DOCK10: variants seen among roughly 807,000 people sequenced by gnomAD.
The protein encoded by DOCK10 is dedicator of cytokinesis protein 10.
Under a neutral mutation model 280.1 loss-of-function variants are expected in DOCK10, and 145 were observed. The ratio of observed to expected loss-of-function variants is 0.52; its 90% confidence interval spans 0.45 to 0.59. The LOEUF (loss-of-function observed/expected upper bound fraction) is 0.59, where lower values mean the gene tolerates loss of function less well. DOCK10 is among the 20% of genes least tolerant of loss of function. DOCK10 has a pLI of 0.00. For missense variants in DOCK10, 2,368 were observed against 2,651.7 expected (o/e 0.89, Z 2.35); for synonymous variants, 915 against 942.2 (o/e 0.97, Z 0.53).
intron 1 of DOCK10, among the ~76,000 whole-genome samples, chr2:224,990,439 A>G: frequency 6.6e-6 from 1 of 152,242 alleles, no homozygotes; most frequent in East Asian, 1.9e-4. Context: ...ATGAATGAAT[A>G]TTAATGAGCA....
chr2:224,924,351 T>A (rs34566945), intron 2 of DOCK10, among the ~76,000 whole-genome samples: 85,340 of 152,006 alleles, frequency 0.56, 24,906 homozygotes, highest in Non-Finnish European at 0.64. Flanking sequence ...ACTAGCATTC[T>A]CTTCTCATTT....
At chr2:224,826,927 C>A (rs1694905307) in intron 27 of DOCK10, among the ~76,000 whole-genome samples, 1 of 151,524 alleles carries the variant, frequency 6.6e-6, no homozygotes, top group Non-Finnish European at 1.5e-5. Flanking sequence ...TGTGCCACTG[C>A]ACTCCAGCCT....
chr2:224,878,930 G>A lies in DOCK10; in HGVS notation c.748-2709C>T, dbSNP rs563004908. 1.3e-4 allele frequency among the ~76,000 whole-genome samples: 20 copies of A among 152,346 alleles called. No individual in the cohort carries two copies. In the South Asian group the frequency reaches 4.1e-3, roughly 32 times the overall value. ...GATATCTGTTGTGTTCATACTTTGT[G>A]TTGGACAAAAACATAGCCAGTCCCT... On this transcript the variant is annotated intron_variant, in intron 7 of 55. Coordinates refer to ENST00000258390, the MANE Select transcript of DOCK10 (RefSeq NM_014689.3).
intron 2 of DOCK10, among the ~76,000 whole-genome samples, chr2:224,921,663 A>G (rs1460719382): frequency 6.6e-6 from 1 of 152,358 alleles, no homozygotes. Flanking sequence ...ACATTATTTT[A>G]CAATATGTGC....
chr2:224,882,985 T>G (rs892675811), intron 7 of DOCK10, among the ~76,000 whole-genome samples: 3 of 152,136 alleles, frequency 2.0e-5, no homozygotes, highest in Non-Finnish European at 4.4e-5. Flanking sequence ...AAGAAACTGG[T>G]CCCTGCCTCT....
chr2:224,832,966 C>G (rs978685959), intron 26 of DOCK10, among the ~76,000 whole-genome samples: 1 of 152,162 alleles, frequency 6.6e-6, no homozygotes, highest in Non-Finnish European at 1.5e-5. Context: ...ACCCACCCAC[C>G]CCACCTTCCA....
chr2:224,796,875 G>A (rs1044561577), intron 43 of DOCK10, 89 bp downstream of exon 43: 13 of 1,232,070 alleles, frequency 1.1e-5, no homozygotes, highest in Middle Eastern at 4.0e-4. Flanking sequence ...AGTTAGTGAC[G>A]GCTTGCCCTG....
intron 2 of DOCK10, among the ~76,000 whole-genome samples, chr2:224,928,951 C>T (rs1225509413): frequency 6.6e-6 from 1 of 152,228 alleles, no homozygotes; most frequent in African/African-American, 2.4e-5. Flanking sequence ...TCCAGCCATA[C>T]CAATCTCCAA....
intron 1 of DOCK10, among the ~76,000 whole-genome samples, chr2:225,008,175 T>C (rs571232739): frequency 3.3e-5 from 5 of 152,334 alleles, no homozygotes; most frequent in Admixed American, 3.3e-4. Flanking sequence ...AAACTTTTTA[T>C]TTCTTTAGAG....
chr2:224,915,667 A>T (rs1248628342), intron 3 of DOCK10, among the ~76,000 whole-genome samples: 2 of 152,236 alleles, frequency 1.3e-5, no homozygotes, highest in African/African-American at 2.4e-5. Context: ...CCACTTTCTC[A>T]GGATTCAAGA....
At chr2:225,035,358 C>T (rs1054254454) in intron 1 of DOCK10, among the ~76,000 whole-genome samples, 12 of 151,388 alleles carry the variant, frequency 7.9e-5, no homozygotes, top group Admixed American at 2.6e-4. Flanking sequence ...CCATTCTTAC[C>T]GCATTCAAGC....
At chr2:224,961,389 A>T in intron 1 of DOCK10, among the ~76,000 whole-genome samples, 1 of 120,190 alleles carries the variant, frequency 8.3e-6, no homozygotes, top group Non-Finnish European at 1.8e-5. Context: ...ATTTTTGCAT[A>T]GCAGCATTTT....
At chr2:224,847,918 T>A (rs1028566323) in intron 19 of DOCK10, among the ~76,000 whole-genome samples, 2 of 152,098 alleles carry the variant, frequency 1.3e-5, no homozygotes, top group African/African-American at 4.8e-5. Flanking sequence ...TTAGCAGATG[T>A]GATTAAGTTA....
At chr2:225,013,861 CGT>C (rs144461371) in intron 1 of DOCK10, among the ~76,000 whole-genome samples, 7 of 149,684 alleles carry the variant, frequency 4.7e-5, no homozygotes, top group Admixed American at 6.7e-5. Flanking sequence ...CTGGGGTGTG[CGT>C]GTGTGTGTGT....
intron 25 of DOCK10, among the ~76,000 whole-genome samples, chr2:224,836,794 T>C (rs1695619597): frequency 6.6e-6 from 1 of 151,994 alleles, no homozygotes; most frequent in Non-Finnish European, 1.5e-5. Flanking sequence ...AGAGACAGGG[T>C]TTCACTGTGT....
chr2:224,999,276 C>T (rs756833614), intron 1 of DOCK10, among the ~76,000 whole-genome samples: 8 of 151,244 alleles, frequency 5.3e-5, no homozygotes, highest in Admixed American at 6.6e-5. Flanking sequence ...AAGGGTCTCG[C>T]TATGTTGCCC....
At chr2:224,859,782 G>C (rs1311821444) in intron 14 of DOCK10, among the ~76,000 whole-genome samples, 3 of 152,184 alleles carry the variant, frequency 2.0e-5, no homozygotes, top group Non-Finnish European at 4.4e-5. Flanking sequence ...CTCAGAATCA[G>C]GGTATCAATT....
In DOCK10 at chr2:224,796,381, C is replaced by T. The variant is rs1368178406; in HGVS notation, c.4873G>A (p.Gly1625Ser). ...SQLIADAGIG[G>S]SRFQHSLAIT... ...GCAAGCGAATGTTGAAACCGAGAGC[C>T]TCCAATCCCAGCATCGGCTATTAAC... The change falls in exon 44 of 56, where the codon GGC (glycine) becomes AGC (serine). Residue 1625 changes from glycine (G) to serine (S), a missense_variant. By Grantham distance (56) the Gly-to-Ser change is moderately conservative. This residue lies in a region of DOCK10 where 1,159 missense variants were observed against 1,400.8 expected (regional missense o/e 0.83). Coordinates refer to ENST00000258390, the MANE Select transcript of DOCK10 (RefSeq NM_014689.3). The T allele has an allele frequency of 6.4e-7, 1 of 1,573,648 alleles. No individual in the cohort carries two copies. The highest frequency in any genetic ancestry group is 8.6e-7 in the Non-Finnish European group (1 of 1,158,212).
Position 224,957,286 on chromosome 2 carries a change from C to CCCT in DOCK10, c.124-25619_124-25618insAGG, listed in dbSNP as rs1553622539. 1.3e-3 allele frequency among the ~76,000 whole-genome samples: 45 copies of CCCT among 34,416 alleles called. 1 individual carries two copies. The highest frequency in any genetic ancestry group is 3.4e-3 in the African/African-American group (44 of 12,890). 22.6% of individuals were successfully genotyped at this position (34,416 alleles called of 152,430 possible). On this transcript the variant is annotated intron_variant, in intron 1 of 55. Coordinates refer to ENST00000258390, the MANE Select transcript of DOCK10 (RefSeq NM_014689.3). ...TCTAGTATTTAGTTTTTACTTTCCG[C>CCCT]CCCCCCCCGGCTTTGTTTTTCGGAG... is the stretch of plus-strand genomic sequence containing the variant.
Sources: allele counts gnomAD v4.1 joint callset (sites outside exome capture counted in the v4.1 genomes callset), GRCh38; gene constraint gnomAD v4.1.1; regional missense constraint gnomAD v4.1.1; transcripts MANE v1.5; gene names NCBI Gene and HGNC (gene_info 2026-07-23, HGNC 2026-07-21).